Variants in CAMK4 observed in about 807,000 individuals in gnomAD.
CAMK4 encodes the protein calcium/calmodulin dependent protein kinase IV, also known as calcium/calmodulin-dependent protein kinase type IV.
Under a neutral mutation model 44.9 loss-of-function variants are expected in CAMK4, and 22 were observed. The ratio of observed to expected loss-of-function variants is 0.49; its 90% CI spans 0.35 to 0.70. The LOEUF is 0.70. CAMK4 is among the 30% of genes least tolerant of loss of function. The probability of loss-of-function intolerance (pLI) is 0.01; values close to 1 mark genes in which losing one functional copy is unlikely to be tolerated. For missense variants in CAMK4, 498 were observed against 586.8 expected, an observed-to-expected ratio of 0.85 and a Z score of 1.56; for synonymous variants, 218 against 215.4, an observed-to-expected ratio of 1.01 and a Z score of -0.11.
At chr5:111,272,462 C>T (rs1750559100) in intron 1 of CAMK4, among the ~76,000 whole-genome samples, 1 of 152,052 alleles carries the variant, frequency 6.6e-6, no homozygotes, top group African/African-American at 2.4e-5. Context: ...AGATTTGAGC[C>T]TAGAGCTGAG....
At chr5:111,248,970 G>A (rs761268197) in intron 1 of CAMK4, among the ~76,000 whole-genome samples, 1 of 149,602 alleles carries the variant, frequency 6.7e-6, no homozygotes, top group Admixed American at 6.7e-5. Flanking sequence ...GGCGGTGTGT[G>A]GGGGGGTCAC....
At chr5:111,339,103 G>T (rs373120568) in intron 1 of CAMK4, among the ~76,000 whole-genome samples, 187 of 151,306 alleles carry the variant, frequency 1.2e-3, no homozygotes, top group African/African-American at 4.0e-3. Context: ...ATGTGTTTGA[G>T]TTCCTTATAT....
intron 1 of CAMK4, among the ~76,000 whole-genome samples, chr5:111,233,923 G>A (rs1157737618): frequency 1.3e-5 from 2 of 152,154 alleles, no homozygotes; most frequent in Non-Finnish European, 2.9e-5. Flanking sequence ...CAGGGTATGT[G>A]TAATACAATG....
At position 111,461,813 on chromosome 5, in the gene CAMK4, T is replaced by TTAAAAA. The variant is rs1554073682; in HGVS notation, c.626-11498_626-11497insTAAAAA. ...CTGAATTCAAAACAAGCCTCTATAG[T>TTAAAAA]AAAAAAAAAAAAAAAAAAAAAAATC... On this transcript the variant is annotated intron_variant, in intron 7 of 10. Coordinates refer to ENST00000282356, the MANE Select transcript of CAMK4 (RefSeq NM_001744.6). Among the ~76,000 whole-genome samples, 5 of 69,170 alleles carry TTAAAAA rather than the reference T, an allele frequency of 7.2e-5. No individual in the cohort carries two copies. In the East Asian group the frequency reaches 1.2e-3, roughly 17 times the overall value. 45.4% of individuals were successfully genotyped at this position (69,170 alleles called of 152,430 possible).
intron 1 of CAMK4, among the ~76,000 whole-genome samples, chr5:111,285,697 C>G (rs17463071): frequency 0.21 from 31,556 of 152,112 alleles, 3,942 homozygotes; most frequent in Non-Finnish European, 0.27. Flanking sequence ...TTATTTGTTT[C>G]TATGGTCATC....
chr5:111,450,616 C>T (rs1312030034), intron 7 of CAMK4, among the ~76,000 whole-genome samples: 3 of 61,730 alleles, frequency 4.9e-5, no homozygotes, highest in South Asian at 3.5e-4. Flanking sequence ...GGTGAAACCC[C>T]GTCTCTACTA....
intron 7 of CAMK4, among the ~76,000 whole-genome samples, chr5:111,458,828 G>A (rs1225040352): frequency 6.6e-6 from 1 of 152,148 alleles, no homozygotes; most frequent in Admixed American, 6.6e-5. Context: ...GAACACACCA[G>A]GTGTCTTTAA....
chr5:111,407,502 A>G (rs1219281383), intron 5 of CAMK4, among the ~76,000 whole-genome samples: 6 of 152,204 alleles, frequency 3.9e-5, no homozygotes, highest in Non-Finnish European at 7.3e-5. Context: ...ATCAAGCTGT[A>G]AGGAAATAAG....
chr5:111,226,723 C>T (rs1327766690), intron 1 of CAMK4, among the ~76,000 whole-genome samples: 2 of 152,226 alleles, frequency 1.3e-5, no homozygotes, highest in Admixed American at 1.3e-4. Flanking sequence ...CTCTAGAGTT[C>T]CGGTTGTTTA....
rs73786865 is a variant in CAMK4, at chr5:111,274,708, T to G, written c.161+50064T>G. On this transcript the variant is annotated intron_variant, in intron 1 of 10. Transcript: ENST00000282356. ...CAATTTATTCCCTTCAACAGGGGAGTACCCATTTCCTTACATCCTTGCTAA... is the reference window on the plus strand; with the variant it reads ...CAATTTATTCCCTTCAACAGGGGAGGACCCATTTCCTTACATCCTTGCTAA... Among the ~76,000 whole-genome samples the G allele has an allele frequency of 8.1e-3, 1,229 of 152,172 alleles. 17 individuals are homozygous for G. The highest frequency in any genetic ancestry group is 0.028 in the African/African-American group (1,164 of 41,510).
At chr5:111,266,594 C>G (rs954062243) in intron 1 of CAMK4, among the ~76,000 whole-genome samples, 1 of 152,160 alleles carries the variant, frequency 6.6e-6, no homozygotes, top group Non-Finnish European at 1.5e-5. Flanking sequence ...GGCCATTTTT[C>G]TCTGTAAACT....
In CAMK4 at chr5:111,420,325, T is replaced by G. The variant is rs549441554; in HGVS notation, c.459+25543T>G. Among the ~76,000 whole-genome samples, 1,201 of 152,248 alleles carry G rather than the reference T, an allele frequency of 7.9e-3. 18 individuals are homozygous for G. Among genetic ancestry groups the G allele is most frequent in the African/African-American group, 0.027 (1,137 of 41,548 alleles). ...ACTTTGCTGAAGTTGCTTATCAGCT[T>G]AAGGAGATTTTGGGGTGAGACAATG... On this transcript the variant is annotated intron_variant, in intron 5 of 10. Coordinates refer to ENST00000282356, the MANE Select transcript of CAMK4 (RefSeq NM_001744.6).
chr5:111,366,039 T>C (rs1465545672), intron 2 of CAMK4, among the ~76,000 whole-genome samples: 2 of 152,120 alleles, frequency 1.3e-5, no homozygotes, highest in Non-Finnish European at 2.9e-5. Flanking sequence ...AAAAATAGGA[T>C]GCTAAATTAA....
intron 4 of CAMK4, among the ~76,000 whole-genome samples, chr5:111,385,156 A>T (rs1374128277): frequency 6.6e-6 from 1 of 152,216 alleles, no homozygotes; most frequent in African/African-American, 2.4e-5. Flanking sequence ...AATAAAAATA[A>T]TAATCAGGAC....
At chr5:111,333,754 G>C (rs944406862) in intron 1 of CAMK4, among the ~76,000 whole-genome samples, 1 of 151,588 alleles carries the variant, frequency 6.6e-6, no homozygotes, top group African/African-American at 2.4e-5. Context: ...TGAGAAACTG[G>C]AGCCACAAAG....
chr5:111,227,838 C>T (rs1158301367), intron 1 of CAMK4, among the ~76,000 whole-genome samples: 2 of 152,178 alleles, frequency 1.3e-5, no homozygotes, highest in African/African-American at 4.8e-5. Flanking sequence ...AAAAAGTTTA[C>T]AAAAATCATG....
At chr5:111,483,938 G>A (rs1206291124) in intron 10 of CAMK4, 88 bp from the exon 11 acceptor site, 6 of 1,022,314 alleles carry the variant, frequency 5.9e-6, no homozygotes, top group East Asian at 2.5e-5. Flanking sequence ...CCTATAAAAC[G>A]GAATCCCTAA....
At chr5:111,345,929 G>T (rs1749845190) in intron 2 of CAMK4, among the ~76,000 whole-genome samples, 1 of 151,974 alleles carries the variant, frequency 6.6e-6, no homozygotes, top group African/African-American at 2.4e-5. Flanking sequence ...GTGCTGTAAG[G>T]CAGATGTTGT....
At chr5:111,332,806 T>C (rs1011555052) in intron 1 of CAMK4, among the ~76,000 whole-genome samples, 2 of 151,546 alleles carry the variant, frequency 1.3e-5, no homozygotes, top group Admixed American at 6.6e-5. Context: ...CAGGAAAAAT[T>C]GCAGGGCCAT....
Sources: allele counts gnomAD v4.1 joint callset (sites outside exome capture counted in the v4.1 genomes callset), GRCh38; gene constraint gnomAD v4.1.1; transcripts MANE v1.5; gene names NCBI Gene and HGNC (gene_info 2026-07-23, HGNC 2026-07-21).